The following SLC6A11 variants were observed in gnomAD, a reference collection of about 807,000 sequenced individuals.
SLC6A11 encodes solute carrier family 6 member 11, also known as sodium- and chloride-dependent GABA transporter 3.
A neutral mutation model predicts 74.8 loss-of-function variants in SLC6A11; 25 were observed. The ratio of observed to expected loss-of-function variants is 0.33; its 90% CI spans 0.24 to 0.47. SLC6A11 has a LOEUF of 0.47. SLC6A11 is among the 20% of genes least tolerant of loss of function. The probability of loss-of-function intolerance (pLI) is 1.00; values close to 1 mark genes in which losing one functional copy is unlikely to be tolerated. For synonymous variants in SLC6A11, 330 were observed against 330.2 expected (o/e 1.00, Z 0.01); for missense variants, 574 against 837.0 (o/e 0.69, Z 3.88).
chr3:10,870,508 G>A (rs182709445), intron 5 of SLC6A11, among the ~76,000 whole-genome samples: 1 of 152,342 alleles, frequency 6.6e-6, no homozygotes, highest in Non-Finnish European at 1.5e-5. Context: ...GCACAAGAGG[G>A]AAGAGTGGCA....
At chr3:10,924,243 C>T (rs1381947290) in intron 8 of SLC6A11, among the ~76,000 whole-genome samples, 2 of 152,038 alleles carry the variant, frequency 1.3e-5, no homozygotes, top group African/African-American at 4.8e-5. Context: ...GAAAGTGTTC[C>T]CCTAAAATCA....
At chr3:10,891,113 C>T (rs909557514) in intron 6 of SLC6A11, among the ~76,000 whole-genome samples, 2 of 152,188 alleles carry the variant, frequency 1.3e-5, no homozygotes, top group Non-Finnish European at 2.9e-5. Context: ...GGAATGAAAC[C>T]TCAGCCTCTC....
intron 5 of SLC6A11, among the ~76,000 whole-genome samples, chr3:10,852,511 C>T (rs982085765): frequency 3.3e-5 from 5 of 152,224 alleles, no homozygotes; most frequent in African/African-American, 1.2e-4. Flanking sequence ...TTGGTAATAC[C>T]GTCTTTATTA....
rs1337458037 is a variant in SLC6A11, at chr3:10,939,422, G to A, written c.*1020G>A. 6.6e-6 allele frequency: 1 copy of A among 152,442 alleles called. No individual in the cohort carries two copies. The highest frequency in any genetic ancestry group is 2.4e-5 in the African/African-American group (1 of 41,432). The allele number at this position is 152,442 out of a possible 1,614,324, so 9.4% of individuals were successfully genotyped here. A position where few individuals can be genotyped will look rare whatever the true frequency, so the allele number is the denominator to read the frequency against. On this transcript the variant is annotated 3_prime_UTR_variant, in exon 14 of 14. Coordinates refer to ENST00000254488, the MANE Select transcript of SLC6A11 (RefSeq NM_014229.3). ...AGTTGCTGTGGGGACTGATTTTCTG[G>A]GTGGGGAAGCAGCCATCTATTCTTG...
chr3:10,898,889 G>C (rs1337939139), intron 6 of SLC6A11, among the ~76,000 whole-genome samples: 2 of 152,214 alleles, frequency 1.3e-5, no homozygotes, highest in Non-Finnish European at 1.5e-5. Flanking sequence ...ATTTACAAAA[G>C]AAAGAGGTTT....
chr3:10,897,161 C>G (rs1162334037), intron 6 of SLC6A11, among the ~76,000 whole-genome samples: 1 of 152,190 alleles, frequency 6.6e-6, no homozygotes, highest in Non-Finnish European at 1.5e-5. Context: ...CAGATCCCTC[C>G]TATAACACGT....
chr3:10,838,462 T>A (rs1694395664), intron 4 of SLC6A11, among the ~76,000 whole-genome samples: 1 of 152,186 alleles, frequency 6.6e-6, no homozygotes, highest in South Asian at 2.1e-4. Flanking sequence ...ACTCTCAATC[T>A]GGGGGCAGGG....
intron 7 of SLC6A11, among the ~76,000 whole-genome samples, chr3:10,913,733 A>G (rs1405391225): frequency 6.6e-6 from 1 of 152,212 alleles, no homozygotes; most frequent in African/African-American, 2.4e-5. Flanking sequence ...TCGCTCAGTC[A>G]CCCAGGCTGG....
At position 10,938,562 on chromosome 3, in the gene SLC6A11, G is replaced by T; in HGVS notation, c.*160G>T. The T allele has an allele frequency of 1.6e-6, 1 of 612,764 alleles. No homozygotes were observed. Among genetic ancestry groups the T allele is most frequent in the Non-Finnish European group, 2.7e-6 (1 of 375,194 alleles). 38.0% of individuals were successfully genotyped at this position (612,764 alleles called of 1,614,324 possible). ...GGTGGCCACTGTACACTGCTCTAAA[G>T]TCATATCCCCTCCCCGCCCCCAGTC... On this transcript the variant is annotated 3_prime_UTR_variant, in exon 14 of 14. Transcript: ENST00000254488.
intron 6 of SLC6A11, among the ~76,000 whole-genome samples, chr3:10,908,703 T>A (rs1472082833): frequency 1.3e-5 from 2 of 152,146 alleles, no homozygotes; most frequent in Admixed American, 6.5e-5. Flanking sequence ...GATGGAGTGC[T>A]ATGTAAAATT....
In SLC6A11 at chr3:10,927,853, C is replaced by T. The variant is rs570378255; in HGVS notation, c.1234-1349C>T. On this transcript the variant is annotated intron_variant, in intron 9 of 13. Transcript: ENST00000254488. ...AGGTGAATCAGAAAGGATTTGGAGC[C>T]GACAAATAGCTCCAGGGAAGGGGTG... 7.9e-5 allele frequency among the ~76,000 whole-genome samples: 12 copies of T among 152,256 alleles called. No homozygotes were observed. The South Asian group carries it at 1.9e-3, about 24-fold the overall frequency.
chr3:10,886,257 C>G (rs1695041188), intron 6 of SLC6A11, among the ~76,000 whole-genome samples: 1 of 152,164 alleles, frequency 6.6e-6, no homozygotes, highest in African/African-American at 2.4e-5. Flanking sequence ...AGATCGACTC[C>G]CTTGCTCACC....
chr3:10,844,509 T>C (rs1339133981), intron 5 of SLC6A11, among the ~76,000 whole-genome samples, 163 bp downstream of exon 5: 1 of 152,172 alleles, frequency 6.6e-6, no homozygotes, highest in East Asian at 1.9e-4. Context: ...TCACCACTTA[T>C]TGGCCGCCCA....
At chr3:10,848,947 C>G (rs1694539099) in intron 5 of SLC6A11, among the ~76,000 whole-genome samples, 1 of 152,236 alleles carries the variant, frequency 6.6e-6, no homozygotes, top group Non-Finnish European at 1.5e-5. Context: ...CAGACCCAGG[C>G]TGCCTTCCTT....
intron 6 of SLC6A11, among the ~76,000 whole-genome samples, chr3:10,909,242 T>C (rs1384469859): frequency 6.6e-6 from 1 of 151,858 alleles, no homozygotes; most frequent in Admixed American, 6.6e-5. Context: ...TGAATCTACC[T>C]CTGAGCAGAG....
At chr3:10,837,182 G>A (rs566088625) in intron 4 of SLC6A11, among the ~76,000 whole-genome samples, 6 of 152,324 alleles carry the variant, frequency 3.9e-5, no homozygotes, top group African/African-American at 1.4e-4. Flanking sequence ...GATAACTGGG[G>A]AGAATTGGGA....
chr3:10,871,159 G>A (rs1300925516), intron 5 of SLC6A11, among the ~76,000 whole-genome samples: 1 of 152,140 alleles, frequency 6.6e-6, no homozygotes, highest in East Asian at 1.9e-4. Context: ...TGGGAACTGT[G>A]AGGCTACATT....
intron 5 of SLC6A11, among the ~76,000 whole-genome samples, chr3:10,860,781 G>A (rs935948624): frequency 5.3e-5 from 8 of 152,212 alleles, no homozygotes; most frequent in African/African-American, 1.9e-4. Flanking sequence ...CATGGAGGTT[G>A]TAGCTTGGAT....
At chr3:10,922,222 T>A (rs1695545734) in intron 8 of SLC6A11, among the ~76,000 whole-genome samples, 1 of 152,172 alleles carries the variant, frequency 6.6e-6, no homozygotes, top group Admixed American at 6.5e-5. Context: ...CCATATACTA[T>A]GCCATAAAAC....
Sources: allele counts gnomAD v4.1 joint callset (sites outside exome capture counted in the v4.1 genomes callset), GRCh38; gene constraint gnomAD v4.1.1; transcripts MANE v1.5; gene names NCBI Gene and HGNC (gene_info 2026-07-23, HGNC 2026-07-21).